The following PDLIM5 variants were observed in gnomAD, a reference collection of about 807,000 sequenced individuals.
The protein encoded by PDLIM5 is PDZ and LIM domain protein 5.
A neutral mutation model predicts 64.2 loss-of-function variants in PDLIM5; 34 were observed. The observed-to-expected ratio is 0.53, with a 90% confidence interval of 0.40 to 0.71. PDLIM5 has a LOEUF of 0.71. Among genes scored for constraint, PDLIM5 ranks in the 30% least tolerant of loss-of-function variants. The pLI is 0.00. For missense variants in PDLIM5, 683 were observed against 733.6 expected, an observed-to-expected ratio of 0.93 and a Z score of 0.80; for synonymous variants, 253 against 269.1, an observed-to-expected ratio of 0.94 and a Z score of 0.59.
At chr4:94,453,989 G>T (rs921452364) in intron 1 of PDLIM5, among the ~76,000 whole-genome samples, 10 of 152,046 alleles carry the variant, frequency 6.6e-5, no homozygotes, top group Admixed American at 3.3e-4. Context: ...TTATTTGAAT[G>T]TTTTGCCCCA....
At chr4:94,546,865 G>T (rs1732373032) in intron 3 of PDLIM5, among the ~76,000 whole-genome samples, 1 of 151,238 alleles carries the variant, frequency 6.6e-6, no homozygotes, top group African/African-American at 2.4e-5. Context: ...AATATTCAAG[G>T]GATTTAAGGT....
intron 8 of PDLIM5, among the ~76,000 whole-genome samples, chr4:94,630,563 C>CA (rs1330079724): frequency 6.6e-6 from 1 of 151,842 alleles, no homozygotes; most frequent in East Asian, 1.9e-4. Context: ...TTCATAGAGA[C>CA]AGAGTTTTGC....
intron 3 of PDLIM5, among the ~76,000 whole-genome samples, chr4:94,525,842 G>A (rs1044434743): frequency 2.6e-5 from 4 of 152,112 alleles, no homozygotes; most frequent in Admixed American, 6.6e-5. Context: ...ATTTTAATGC[G>A]TAGGAAAGTA....
At chr4:94,453,195 G>C (rs1195751760) in intron 1 of PDLIM5, among the ~76,000 whole-genome samples, 1 of 152,186 alleles carries the variant, frequency 6.6e-6, no homozygotes, top group Non-Finnish European at 1.5e-5. Context: ...GTTTGAAAGA[G>C]TATGCTGCTA....
chr4:94,599,777 A>G (rs116487628), intron 7 of PDLIM5, among the ~76,000 whole-genome samples: 263 of 152,302 alleles, frequency 1.7e-3, no homozygotes, highest in African/African-American at 6.1e-3. Context: ...AGTGAATGGT[A>G]TAGTGAGCCT....
intron 3 of PDLIM5, 22 bp downstream of exon 3, chr4:94,523,897 C>G (rs1301955567): frequency 6.3e-7 from 1 of 1,589,380 alleles, no homozygotes; most frequent in East Asian, 2.2e-5. Flanking sequence ...TTTGTTTGTC[C>G]CTGAAAGAGA....
chr4:94,461,524 GT>G lies in PDLIM5; in HGVS notation c.96+6150del, dbSNP rs10659138. Among the ~76,000 whole-genome samples, 433 of 149,968 alleles carry G rather than the reference GT, an allele frequency of 2.9e-3. 1 individual carries two copies. Among genetic ancestry groups the G allele is most frequent in the African/African-American group, 9.5e-3 (388 of 40,906 alleles). On this transcript the variant is annotated intron_variant, in intron 2 of 12. Transcript: ENST00000317968. The stretch of plus-strand genomic sequence containing the variant: ...TAGCGTACTTTGTTTTTATTAAGAG[GT>G]TTTTTTTTTAAAGGTAATAAACTAA...
rs375886536 is a variant in PDLIM5, at chr4:94,457,620, T to C, written c.96+2236T>C. On this transcript the variant is annotated intron_variant, in intron 2 of 12. Transcript: ENST00000317968. ...AATGAGCCAAACTTAATTATCACTT[T>C]GTTGTGTGGTAATAGAAATGCAAAT... is the stretch of plus-strand genomic sequence containing the variant. Among the ~76,000 whole-genome samples, 15 of 152,360 alleles carry C rather than the reference T, an allele frequency of 9.8e-5. No individual in the cohort carries two copies. In the South Asian group the frequency reaches 1.9e-3, roughly 19 times the overall value.
At chr4:94,556,661 A>G (rs758538068) in intron 3 of PDLIM5, among the ~76,000 whole-genome samples, 11 of 152,098 alleles carry the variant, frequency 7.2e-5, no homozygotes, top group Non-Finnish European at 1.2e-4. Flanking sequence ...GGCAGTGATG[A>G]TGGGCATTTT....
chr4:94,658,475 T>C (rs1452734097), intron 11 of PDLIM5, among the ~76,000 whole-genome samples: 2 of 152,256 alleles, frequency 1.3e-5, no homozygotes, highest in Non-Finnish European at 2.9e-5. Context: ...CACATATACA[T>C]GTTTCAAAAT....
At position 94,628,951 on chromosome 4, in the gene PDLIM5, C is replaced by CTTTTCCTTTTTTTT. The variant is rs59325015; in HGVS notation, c.1108+10773_1108+10774insTTTTTCCTTTTTTT. Among the ~76,000 whole-genome samples, 1,459 of 151,566 alleles carry CTTTTCCTTTTTTTT rather than the reference C, an allele frequency of 9.6e-3. 22 individuals carry two copies. The highest frequency in any genetic ancestry group is 0.033 in the African/African-American group (1,360 of 41,226). On this transcript the variant is annotated intron_variant, in intron 8 of 12. Transcript: ENST00000317968. ...ATTTCAATTTTATTCTTTTTTATTT[C>CTTTTCCTTTTTTTT]TTTTCCTTTTTTTAAGAAAATGAAG...
At chr4:94,661,233 AT>A (rs1380227742) in intron 11 of PDLIM5, among the ~76,000 whole-genome samples, 1 of 151,674 alleles carries the variant, frequency 6.6e-6, no homozygotes, top group Non-Finnish European at 1.5e-5. Flanking sequence ...TACAAAAAAA[AT>A]TTTTTTTTAA....
chr4:94,468,729 A>G (rs1231368615), intron 2 of PDLIM5, among the ~76,000 whole-genome samples: 1 of 152,186 alleles, frequency 6.6e-6, no homozygotes, highest in Non-Finnish European at 1.5e-5. Flanking sequence ...TGTCGATTTT[A>G]TTGTTACTAC....
At chr4:94,619,555 G>T (rs926100565) in intron 8 of PDLIM5, among the ~76,000 whole-genome samples, 3 of 151,816 alleles carry the variant, frequency 2.0e-5, no homozygotes, top group Non-Finnish European at 4.4e-5. Flanking sequence ...CAGGAGAATG[G>T]CATGAACCCG....
chr4:94,576,784 T>TA (rs1156439822), intron 5 of PDLIM5, among the ~76,000 whole-genome samples: 1 of 152,194 alleles, frequency 6.6e-6, no homozygotes, highest in African/African-American at 2.4e-5. Flanking sequence ...ATCTTTTTAT[T>TA]AAAAAAATTG....
At chr4:94,454,383 T>C (rs1205402227) in intron 1 of PDLIM5, among the ~76,000 whole-genome samples, 1 of 149,396 alleles carries the variant, frequency 6.7e-6, no homozygotes, top group Admixed American at 6.7e-5. Flanking sequence ...AGGAGAGTCA[T>C]CACACGCACA....
At position 94,585,238 on chromosome 4, in the gene PDLIM5, G is replaced by C. The variant is rs530206760; in HGVS notation, c.711-327G>C. 8.3e-3 allele frequency among the ~76,000 whole-genome samples: 1,266 copies of C among 151,996 alleles called. 11 individuals are homozygous for C. The highest frequency in any genetic ancestry group is 0.027 in the African/African-American group (1,118 of 41,450). On this transcript the variant is annotated intron_variant, in intron 5 of 12. Transcript: ENST00000317968. ...CCCCAGTAGCTGGGACTACAGGCAC[G>C]TGCCACCATTCCCAGCTAATTTTTT...
chr4:94,643,062 A>T (rs950735715), intron 9 of PDLIM5, among the ~76,000 whole-genome samples: 1 of 151,892 alleles, frequency 6.6e-6, no homozygotes, highest in Non-Finnish European at 1.5e-5. Flanking sequence ...ATTTTATTTT[A>T]TTTATTTTTT....
At chr4:94,569,231 C>A (rs1401265911) in intron 3 of PDLIM5, among the ~76,000 whole-genome samples, 1 of 152,176 alleles carries the variant, frequency 6.6e-6, no homozygotes, top group Non-Finnish European at 1.5e-5. Context: ...TGCTGAAGAG[C>A]AAGGTCTTTG....
Sources: allele counts gnomAD v4.1 joint callset (sites outside exome capture counted in the v4.1 genomes callset), GRCh38; gene constraint gnomAD v4.1.1; transcripts MANE v1.5; gene names NCBI Gene and HGNC (gene_info 2026-07-23, HGNC 2026-07-21).